Variants in ERGIC2 observed in about 807,000 individuals in gnomAD.
The protein encoded by ERGIC2 is endoplasmic reticulum-Golgi intermediate compartment protein 2.
A neutral mutation model predicts 52.5 loss-of-function variants in ERGIC2; 31 were observed. That is an observed-to-expected ratio of 0.59 (90% CI 0.44 to 0.80). The LOEUF (loss-of-function observed/expected upper bound fraction) is 0.80, where lower values mean the gene tolerates loss of function less well. Among genes scored for constraint, ERGIC2 ranks in the 30% least tolerant of loss-of-function variants. The probability of loss-of-function intolerance (pLI) is 0.00; values close to 1 mark genes in which losing one functional copy is unlikely to be tolerated. For synonymous variants in ERGIC2, 129 were observed against 140.6 expected (o/e 0.92, Z 0.58); for missense variants, 395 against 455.2 (o/e 0.87, Z 1.20).
intron 11 of ERGIC2, 21 bp downstream of exon 11, chr12:29,345,422 T>C: frequency 7.7e-7 from 1 of 1,299,772 alleles, no homozygotes; most frequent in Non-Finnish European, 1.1e-6. Flanking sequence ...CAAATTATTT[T>C]ACCGGTTGGA....
rs377473565 is a variant in ERGIC2 at position 29,361,728 on chromosome 12, C to G, written c.334-43G>C. On this transcript the variant is annotated intron_variant, in intron 5 of 13. Transcript: ENST00000360150. ...ATAATCACTAGCATTGTCAAATTCTCTTGGCTTTTACATCATAATTTAAAA... is the reference window on the plus strand; with the variant it reads ...ATAATCACTAGCATTGTCAAATTCTGTTGGCTTTTACATCATAATTTAAAA... The G allele has an allele frequency of 4.0e-5, 60 of 1,516,648 alleles. 1 individual carries two copies. The African/African-American group carries it at 6.8e-4, about 17-fold the overall frequency. The allele number at this position is 1,516,648 out of a possible 1,614,324, so 93.9% of individuals were successfully genotyped here. A position where few individuals can be genotyped will look rare whatever the true frequency, so the allele number is the denominator to read the frequency against.
intron 5 of ERGIC2, among the ~76,000 whole-genome samples, chr12:29,364,996 C>T (rs371341795): frequency 4.0e-5 from 6 of 150,996 alleles, no homozygotes; most frequent in African/African-American, 1.5e-4. Context: ...AAAGGGAACA[C>T]TTATATGCTG....
chr12:29,357,771 G>A (rs373062905), intron 6 of ERGIC2, 47 bp from the exon 7 acceptor site: 1 of 1,006,992 alleles, frequency 9.9e-7, no homozygotes. Context: ...TACACAAAGA[G>A]AGCTGACACT....
At chr12:29,343,357 AT>A in intron 11 of ERGIC2, 75 bp from the exon 12 acceptor site, 1 of 1,181,580 alleles carries the variant, frequency 8.5e-7, no homozygotes, top group Non-Finnish European at 1.2e-6. Flanking sequence ...GGTTACTTAC[AT>A]ACATTCAATA....
At position 29,345,746 on chromosome 12, in the gene ERGIC2, G is replaced by A. The variant is rs116412704; in HGVS notation, c.728-206C>T. Among the ~76,000 whole-genome samples, 1,008 of 152,050 alleles carry A rather than the reference G, an allele frequency of 6.6e-3. 12 individuals carry two copies. The highest frequency in any genetic ancestry group is 0.023 in the African/African-American group (955 of 41,494). Reference sequence around the variant, plus strand: ...CTCGAACTTGAGTCTGGGAGTTCGCGACCAGTCTGGTCAAGAGAGCCAGAC... The same window carrying A: ...CTCGAACTTGAGTCTGGGAGTTCGCAACCAGTCTGGTCAAGAGAGCCAGAC... On this transcript the variant is annotated intron_variant, in intron 10 of 13. Transcript: ENST00000360150.
intron 2 of ERGIC2, among the ~76,000 whole-genome samples, chr12:29,371,170 C>A (rs1199321862): frequency 6.6e-6 from 1 of 152,030 alleles, no homozygotes; most frequent in East Asian, 1.9e-4. Context: ...AGTATAGTAA[C>A]CCCTAGGAGG....
In ERGIC2 at chr12:29,338,596, A is replaced by T. The variant is rs931156244; in HGVS notation, c.*2560T>A. ...GAGTTCGAGGATGCAGTGAGTTACA[A>T]TCATGCCACTGCACTTCAGCCTGGG... On this transcript the variant is annotated 3_prime_UTR_variant, in exon 14 of 14. Coordinates refer to ENST00000360150, the MANE Select transcript of ERGIC2 (RefSeq NM_016570.3). 5 of 152,168 alleles carry T rather than the reference A, an allele frequency of 3.3e-5. No individual in the cohort carries two copies. The highest frequency in any genetic ancestry group is 1.2e-4 in the African/African-American group (5 of 41,396). 9.4% of individuals were successfully genotyped at this position (152,168 alleles called of 1,614,324 possible). A position where few individuals can be genotyped will look rare whatever the true frequency, so the allele number is the denominator to read the frequency against.
intron 9 of ERGIC2, 32 bp from the exon 10 acceptor site, chr12:29,349,209 GA>G (rs771725222): frequency 9.4e-7 from 1 of 1,067,168 alleles, no homozygotes; most frequent in South Asian, 1.4e-5. Context: ...CAACTTAGCA[GA>G]GAAATTATAT....
At chr12:29,362,729 T>C (rs1246615298) in intron 5 of ERGIC2, among the ~76,000 whole-genome samples, 2 of 152,196 alleles carry the variant, frequency 1.3e-5, no homozygotes, top group South Asian at 2.1e-4. Flanking sequence ...AAGTTTTATA[T>C]AACTATATGC....
chr12:29,380,386 A>C (rs942215103), intron 1 of ERGIC2, among the ~76,000 whole-genome samples: 1 of 152,004 alleles, frequency 6.6e-6, no homozygotes, highest in African/African-American at 2.4e-5. Flanking sequence ...CAACATTTTA[A>C]CAGCTATTAT....
chr12:29,380,352 C>T (rs917566220), intron 1 of ERGIC2, among the ~76,000 whole-genome samples: 4 of 151,958 alleles, frequency 2.6e-5, no homozygotes, highest in African/African-American at 9.7e-5. Context: ...CTGTAACTTT[C>T]ATTGCTTCTG....
Position 29,339,787 on chromosome 12 carries a change from A to C in ERGIC2, c.*1369T>G, listed in dbSNP as rs1949824277. ...AAAAAAATCCATTTGAAAAACTGTT[A>C]CTTGTGATATCCTGTTTTCTAAAAC... On this transcript the variant is annotated 3_prime_UTR_variant, in exon 14 of 14. Transcript: ENST00000360150. 1 of 152,122 alleles carries C rather than the reference A, an allele frequency of 6.6e-6. No individual in the cohort carries two copies. The highest frequency in any genetic ancestry group is 2.4e-5 in the African/African-American group (1 of 41,448). The allele number at this position is 152,122 out of a possible 1,614,324, so 9.4% of individuals were successfully genotyped here. A position where few individuals can be genotyped will look rare whatever the true frequency, so the allele number is the denominator to read the frequency against.
intron 8 of ERGIC2, among the ~76,000 whole-genome samples, chr12:29,353,663 ATC>A (rs1940163695): frequency 6.6e-6 from 1 of 151,772 alleles, no homozygotes; most frequent in Admixed American, 6.6e-5. Context: ...TACTTCAATG[ATC>A]TCTCTCACCA....
At chr12:29,364,870 A>G (rs1940336192) in intron 5 of ERGIC2, among the ~76,000 whole-genome samples, 1 of 152,036 alleles carries the variant, frequency 6.6e-6, no homozygotes, top group African/African-American at 2.4e-5. Context: ...ATCAGTAATC[A>G]TAAGAGAAAT....
chr12:29,341,935 T>C (rs1949843302), intron 12 of ERGIC2, 119 bp from the exon 13 acceptor site: 2 of 537,502 alleles, frequency 3.7e-6, no homozygotes, highest in East Asian at 3.1e-5. Context: ...TTCACTTCCA[T>C]GGTTAAAAAT....
At chr12:29,361,789 T>A (rs1371921480) in intron 5 of ERGIC2, 104 bp from the exon 6 acceptor site, 2 of 805,264 alleles carry the variant, frequency 2.5e-6, no homozygotes, top group Non-Finnish European at 3.7e-6. Flanking sequence ...ACTTAAGTGT[T>A]GTTAAAAACA....
At chr12:29,367,242 C>T (rs1264296242) in intron 4 of ERGIC2, among the ~76,000 whole-genome samples, 1 of 150,834 alleles carries the variant, frequency 6.6e-6, no homozygotes, top group Non-Finnish European at 1.5e-5. Flanking sequence ...AAAGGATAAG[C>T]GTCACTGAAT....
chr12:29,367,275 C>A (rs1335743008), intron 4 of ERGIC2, among the ~76,000 whole-genome samples: 1 of 151,050 alleles, frequency 6.6e-6, no homozygotes, highest in Non-Finnish European at 1.5e-5. Context: ...CAAATATCGG[C>A]AAGAACCTAA....
At chr12:29,366,359 T>C (rs1423842881) in intron 5 of ERGIC2, among the ~76,000 whole-genome samples, 1 of 151,952 alleles carries the variant, frequency 6.6e-6, no homozygotes, top group African/African-American at 2.4e-5. Flanking sequence ...ATGTCAGCAT[T>C]TCACACGCTG....
Sources: gnomAD v4.1 joint callset for allele counts (sites outside exome capture counted in the v4.1 genomes callset) on GRCh38, gnomAD v4.1.1 for gene constraint, MANE v1.5 for transcripts, NCBI Gene and HGNC (gene_info 2026-07-23, HGNC 2026-07-21) for gene names.